The following XRN1 variants were observed in gnomAD, a reference collection of about 807,000 sequenced individuals.
The protein encoded by XRN1 is 5'-3' exoribonuclease 1, also known as strand-exchange protein 1 homolog.
In XRN1, 67 loss-of-function variants were observed where a neutral mutation model predicts 222.3. The ratio of observed to expected loss-of-function variants is 0.30; its 90% CI spans 0.25 to 0.37. The LOEUF is 0.37. Among genes scored for constraint, XRN1 ranks in the 10% least tolerant of loss-of-function variants. XRN1 has a pLI of 1.00. For synonymous variants in XRN1, 643 were observed against 652.4 expected, an observed-to-expected ratio of 0.99 and a Z score of 0.22; for missense variants, 1,707 against 2,000.2, an observed-to-expected ratio of 0.85 and a Z score of 2.80.
At chr3:142,321,467 T>C (rs2065354374) in intron 37 of XRN1, among the ~76,000 whole-genome samples, 1 of 152,212 alleles carries the variant, frequency 6.6e-6, no homozygotes. Context: ...AAAAATATTT[T>C]GAACATGTAT....
intron 12 of XRN1, chr3:142,417,767 A>G (rs2108088990): frequency 6.6e-6 from 1 of 152,394 alleles, no homozygotes. Context: ...AAGTCTTCAA[A>G]TCATCAAAAC....
At chr3:142,396,265 G>A (rs1359299861) in intron 20 of XRN1, among the ~76,000 whole-genome samples, 7 of 151,884 alleles carry the variant, frequency 4.6e-5, no homozygotes, top group Non-Finnish European at 8.8e-5. Context: ...TCCAATTAAA[G>A]GAGTCTTGAC....
intron 19 of XRN1, among the ~76,000 whole-genome samples, chr3:142,398,408 C>A (rs1470256527): frequency 6.6e-6 from 1 of 151,020 alleles, no homozygotes; most frequent in African/African-American, 2.4e-5. Flanking sequence ...ATTCTGTCAC[C>A]CAAGCTGGAG....
chr3:142,341,780 AT>A (rs1296863959), intron 33 of XRN1, among the ~76,000 whole-genome samples: 6 of 152,222 alleles, frequency 3.9e-5, no homozygotes, highest in Non-Finnish European at 8.8e-5. Context: ...CTATACTTAT[AT>A]TAGACAAAAT....
intron 22 of XRN1, among the ~76,000 whole-genome samples, chr3:142,382,346 A>G (rs946633962): frequency 1.3e-5 from 2 of 152,154 alleles, no homozygotes; most frequent in African/African-American, 2.4e-5. Context: ...TACTTCTTAC[A>G]TGCTACTACA....
chr3:142,346,615 G>A (rs1455702381), intron 33 of XRN1, among the ~76,000 whole-genome samples: 1 of 151,904 alleles, frequency 6.6e-6, no homozygotes, highest in African/African-American at 2.4e-5. Flanking sequence ...TGAATAGCAG[G>A]GACTACAGGT....
chr3:142,397,940 T>TATG (rs2067989246), intron 19 of XRN1, among the ~76,000 whole-genome samples: 1 of 152,150 alleles, frequency 6.6e-6, no homozygotes, highest in South Asian at 2.1e-4. Context: ...ATACAATTAT[T>TATG]ATGTATCAAA....
At chr3:142,333,865 A>G (rs570022945) in intron 34 of XRN1, among the ~76,000 whole-genome samples, 3 of 152,322 alleles carry the variant, frequency 2.0e-5, no homozygotes, top group East Asian at 1.9e-4. Flanking sequence ...CTGTATTTCA[A>G]TATAACTGGT....
intron 37 of XRN1, among the ~76,000 whole-genome samples, chr3:142,323,858 T>G (rs538107170): frequency 6.8e-6 from 1 of 146,098 alleles, no homozygotes; most frequent in Admixed American, 7.0e-5. Flanking sequence ...TAGTTAATAT[T>G]TTTTACTATT....
At chr3:142,412,164 C>T (rs2068610928) in intron 15 of XRN1, among the ~76,000 whole-genome samples, 1 of 152,132 alleles carries the variant, frequency 6.6e-6, no homozygotes, top group Admixed American at 6.6e-5. Context: ...ATTAATTCTT[C>T]AGAGAAAAGT....
chr3:142,351,989 A>C (rs1447349968), intron 32 of XRN1, among the ~76,000 whole-genome samples: 1 of 151,770 alleles, frequency 6.6e-6, no homozygotes, highest in East Asian at 1.9e-4. Context: ...TTCCTCAGGC[A>C]TATAATCTAA....
At chr3:142,317,977 T>G (rs2065253059) in intron 39 of XRN1, among the ~76,000 whole-genome samples, 1 of 152,166 alleles carries the variant, frequency 6.6e-6, no homozygotes, top group African/African-American at 2.4e-5. Flanking sequence ...CCTTTATTAT[T>G]CAGTTTAATG....
chr3:142,392,110 GT>G (rs2067748272), intron 20 of XRN1, among the ~76,000 whole-genome samples: 1 of 151,766 alleles, frequency 6.6e-6, no homozygotes, highest in South Asian at 2.1e-4. Context: ...GTAGTTGTTT[GT>G]TTTCATACCA....
intron 26 of XRN1, 42 bp downstream of exon 26, chr3:142,371,197 G>C (rs1413604218): frequency 6.9e-7 from 1 of 1,456,426 alleles, no homozygotes; most frequent in Non-Finnish European, 9.5e-7. Context: ...TGAAAACACT[G>C]AATTGAACTA....
chr3:142,421,147 G>A lies in XRN1; in HGVS notation c.1042C>T (p.Arg348Trp), dbSNP rs773228906. The part of the protein sequence containing the change: ...KYLVKLSDFD[R>W]EHFSEVFVDL... The stretch of plus-strand genomic sequence containing the variant: ...ACAAAAACTTCACTGAAGTGCTCCC[G>A]ATCAAACTGTACAGAAATATTTAAA... The change falls in exon 10 of 41, where the codon CGG (arginine) becomes TGG (tryptophan). Residue 348 changes from arginine (R) to tryptophan (W), a missense_variant. Around this residue, in one of 2 missense-constraint regions of XRN1, gnomAD observed 1,234 missense variants for 1,518.2 expected, o/e 0.81. Transcript: ENST00000392981. The A allele has an allele frequency of 8.4e-5, 135 of 1,609,480 alleles. 1 individual carries two copies. Among genetic ancestry groups the A allele is most frequent in the South Asian group, 6.9e-4 (62 of 90,170 alleles).
intron 1 of XRN1, among the ~76,000 whole-genome samples, chr3:142,442,847 C>T (rs2070291728): frequency 6.6e-6 from 1 of 152,182 alleles, no homozygotes; most frequent in African/African-American, 2.4e-5. Context: ...CATTCTCCTG[C>T]CTCAGCCTCC....
intron 33 of XRN1, among the ~76,000 whole-genome samples, chr3:142,338,212 T>C (rs1337284118): frequency 6.6e-6 from 1 of 152,146 alleles, no homozygotes; most frequent in Non-Finnish European, 1.5e-5. Flanking sequence ...CCAAAAGACA[T>C]CCCTCTCTTC....
At chr3:142,332,114 G>A (rs754997808) in intron 36 of XRN1, among the ~76,000 whole-genome samples, 8 of 152,028 alleles carry the variant, frequency 5.3e-5, no homozygotes, top group Non-Finnish European at 1.2e-4. Context: ...AAAAATTATA[G>A]TTTTAAGAAT....
Position 142,400,730 on chromosome 3 carries a change from C to T in XRN1, c.2104-183G>A, listed in dbSNP as rs143019094. 1.4e-3 allele frequency among the ~76,000 whole-genome samples: 220 copies of T among 152,208 alleles called. 2 individuals carry two copies. Among genetic ancestry groups the T allele is most frequent in the African/African-American group, 5.1e-3 (213 of 41,512 alleles). On this transcript the variant is annotated intron_variant, in intron 18 of 40. Transcript: ENST00000392981. ...AGTCCAGAGGTCAAGACCAGCTTGG[C>T]AAACATGATGAAACCCCATCTCTAC...
Sources: allele counts gnomAD v4.1 joint callset (sites outside exome capture counted in the v4.1 genomes callset), GRCh38; gene constraint gnomAD v4.1.1; regional missense constraint gnomAD v4.1.1; transcripts MANE v1.5; gene names NCBI Gene and HGNC (gene_info 2026-07-23, HGNC 2026-07-21).